The following NELL2 variants were observed in gnomAD, a reference collection of about 807,000 sequenced individuals.
The protein encoded by NELL2 is neural EGFL like 2, also known as protein kinase C-binding protein NELL2.
A neutral mutation model predicts 109.6 loss-of-function variants in NELL2; 41 were observed. That is an observed-to-expected ratio of 0.37 (90% CI 0.29 to 0.49). NELL2 has a LOEUF of 0.49. Among genes scored for constraint, NELL2 ranks in the 20% least tolerant of loss-of-function variants. The pLI, the probability that NELL2 is intolerant of heterozygous loss-of-function variation, is 0.98. For missense variants in NELL2, 900 were observed against 1,008.3 expected, an observed-to-expected ratio of 0.89 and a Z score of 1.45; for synonymous variants, 355 against 344.7, an observed-to-expected ratio of 1.03 and a Z score of -0.33.
chr12:44,795,319 C>T lies in NELL2; in HGVS notation c.336-15297G>A, dbSNP rs115743866. Among the ~76,000 whole-genome samples the T allele has an allele frequency of 9.4e-3, 1,437 of 152,240 alleles. 17 individuals are homozygous for T. Among genetic ancestry groups the T allele is most frequent in the African/African-American group, 0.032 (1,335 of 41,544 alleles). On this transcript the variant is annotated intron_variant, in intron 3 of 19. Transcript: ENST00000429094. ...TTATCAGTGTAGCTTATGGATGGTA[C>T]AATTGCAAAGTAGTTACATGCACAG...
chr12:44,587,725 A>G lies in NELL2; in HGVS notation c.1663+19444T>C, dbSNP rs17094817. 8.4e-3 allele frequency among the ~76,000 whole-genome samples: 1,280 copies of G among 152,300 alleles called. 13 individuals carry two copies. The highest frequency in any genetic ancestry group is 0.029 in the African/African-American group (1,202 of 41,558). On this transcript the variant is annotated intron_variant, in intron 15 of 19. Transcript: ENST00000429094. ...TTCTGAAAGCCACCAAGTAGTTAGA[A>G]GAAATCTCAGGGAAAAAAGTCTCAC...
intron 12 of NELL2, among the ~76,000 whole-genome samples, chr12:44,687,247 C>CCGCG (rs139991458): frequency 0.13 from 19,299 of 152,198 alleles, 1,440 homozygotes; most frequent in East Asian, 0.21. Context: ...TGAGGCAATG[C>CCGCG]CGCGCCCTGC....
intron 2 of NELL2, among the ~76,000 whole-genome samples, chr12:44,857,564 C>T (rs868463507): frequency 1.3e-5 from 2 of 152,148 alleles, no homozygotes; most frequent in African/African-American, 4.8e-5. Flanking sequence ...TACCAAGGAA[C>T]GCCAAGGTTA....
At chr12:44,699,105 C>A (rs894038391) in intron 12 of NELL2, among the ~76,000 whole-genome samples, 2 of 152,052 alleles carry the variant, frequency 1.3e-5, no homozygotes, top group African/African-American at 4.8e-5. Flanking sequence ...TAGCAAAAAA[C>A]CAGTCTGAAA....
intron 10 of NELL2, among the ~76,000 whole-genome samples, chr12:44,714,022 G>A (rs1175818649): frequency 6.6e-6 from 1 of 151,804 alleles, no homozygotes; most frequent in Non-Finnish European, 1.5e-5. Flanking sequence ...TGTAACATTA[G>A]GGTCAAGAAA....
chr12:44,783,718 AG>A (rs1360326435), intron 3 of NELL2, among the ~76,000 whole-genome samples: 1 of 152,048 alleles, frequency 6.6e-6, no homozygotes, highest in Non-Finnish European at 1.5e-5. Flanking sequence ...CTCCAGGCCC[AG>A]AAGTTTCATT....
chr12:44,536,479 A>G (rs989817709), intron 15 of NELL2, among the ~76,000 whole-genome samples: 2 of 152,044 alleles, frequency 1.3e-5, no homozygotes, highest in African/African-American at 4.8e-5. Flanking sequence ...TCTGTAACTG[A>G]GTCAGATACA....
intron 15 of NELL2, among the ~76,000 whole-genome samples, chr12:44,603,615 A>G (rs566147074): frequency 5.1e-4 from 78 of 152,320 alleles, no homozygotes; most frequent in Non-Finnish European, 1.0e-3. Flanking sequence ...AGGATATTTA[A>G]TTAAAAATGA....
intron 11 of NELL2, 112 bp downstream of exon 11, chr12:44,711,180 A>C: frequency 1.4e-6 from 1 of 734,958 alleles, no homozygotes; most frequent in South Asian, 1.7e-5. Flanking sequence ...ATAGGGAAAT[A>C]CTATTAGTCT....
intron 9 of NELL2, among the ~76,000 whole-genome samples, chr12:44,736,558 C>T (rs1467006428): frequency 6.6e-6 from 1 of 151,378 alleles, no homozygotes; most frequent in African/African-American, 2.4e-5. Flanking sequence ...CAGAATTGTA[C>T]ATATGTGCTT....
In NELL2 at chr12:44,750,335, T is replaced by A. The variant is rs947740192; in HGVS notation, c.994+24412A>T. Among the ~76,000 whole-genome samples the A allele has an allele frequency of 2.0e-5, 3 of 152,132 alleles. No individual in the cohort carries two copies. In the East Asian group the frequency reaches 5.8e-4, roughly 29 times the overall value. Reference sequence around the variant, plus strand: ...AGGTACATTCTTTTAAAATTACATGTTAGGACAAATTATTTGGAGACTTTC... The same window carrying A: ...AGGTACATTCTTTTAAAATTACATGATAGGACAAATTATTTGGAGACTTTC... On this transcript the variant is annotated intron_variant, in intron 9 of 19. Transcript: ENST00000429094.
rs61158046 is a variant in NELL2 at position 44,888,381 on chromosome 12, G to GTTTTT, written c.39-12486_39-12482dup. Among the ~76,000 whole-genome samples the GTTTTT allele has an allele frequency of 1.8e-3, 240 of 136,502 alleles. 2 individuals carry two copies. The highest frequency in any genetic ancestry group is 6.2e-3 in the African/African-American group (227 of 36,462). The allele number at this position is 136,502 out of a possible 152,430, so 89.6% of individuals were successfully genotyped here. ...TAATTCTGTGATGAATGAACAGTTG[G>GTTTTT]TTTTTTTTTTTTTTTTGAAAGTTAA... On this transcript the variant is annotated intron_variant, in intron 1 of 20. Transcript: ENST00000333837.
chr12:44,712,344 T>A (rs939822599), intron 10 of NELL2, among the ~76,000 whole-genome samples: 1 of 151,974 alleles, frequency 6.6e-6, no homozygotes, highest in Non-Finnish European at 1.5e-5. Flanking sequence ...AATCATAAGC[T>A]CTTGTCAAGA....
At chr12:44,661,237 G>C (rs1021418766) in intron 13 of NELL2, among the ~76,000 whole-genome samples, 3 of 152,218 alleles carry the variant, frequency 2.0e-5, no homozygotes, top group Admixed American at 1.3e-4. Context: ...TCATGGGAAA[G>C]GGGGGCAAGA....
rs1420396401 is a variant in NELL2 at position 44,625,749 on chromosome 12, T to C, written c.1445-14779A>G. On this transcript the variant is annotated intron_variant, in intron 13 of 19. Transcript: ENST00000429094. ...ACTCCTGGACTCTCCTCTCTCTGTCTCCAGTCAACTATTTCAGAGAAAAAC... is the reference window on the plus strand; with the variant it reads ...ACTCCTGGACTCTCCTCTCTCTGTCCCCAGTCAACTATTTCAGAGAAAAAC... Among the ~76,000 whole-genome samples, 3 of 152,136 alleles carry C rather than the reference T, an allele frequency of 2.0e-5. No individual in the cohort carries two copies. In the East Asian group the frequency reaches 5.8e-4, roughly 29 times the overall value.
At chr12:44,799,105 C>T (rs751019587) in intron 3 of NELL2, among the ~76,000 whole-genome samples, 6 of 151,538 alleles carry the variant, frequency 4.0e-5, no homozygotes, top group Non-Finnish European at 5.9e-5. Context: ...ACTACAGATG[C>T]GTGCCACCAT....
intron 19 of NELL2, among the ~76,000 whole-genome samples, chr12:44,517,007 T>C (rs1941296548): frequency 1.3e-5 from 2 of 151,166 alleles, no homozygotes; most frequent in South Asian, 2.1e-4. Flanking sequence ...CCTTCTAGAG[T>C]TTTGATAAAT....
chr12:44,606,278 T>C (rs1945398322), intron 15 of NELL2, among the ~76,000 whole-genome samples: 1 of 152,154 alleles, frequency 6.6e-6, no homozygotes, highest in South Asian at 2.1e-4. Flanking sequence ...GGTAAATCAG[T>C]GTTTTTATTA....
At chr12:44,549,163 C>G (rs1002859456) in intron 15 of NELL2, among the ~76,000 whole-genome samples, 2 of 152,084 alleles carry the variant, frequency 1.3e-5, no homozygotes, top group Non-Finnish European at 2.9e-5. Flanking sequence ...AAGACAAATT[C>G]CTGGAAGTAA....
Sources: allele counts gnomAD v4.1 joint callset (sites outside exome capture counted in the v4.1 genomes callset), GRCh38; gene constraint gnomAD v4.1.1; transcripts MANE v1.5; gene names NCBI Gene and HGNC (gene_info 2026-07-23, HGNC 2026-07-21).